TEC: variants seen among roughly 807,000 people sequenced by gnomAD.
TEC encodes the protein tec protein tyrosine kinase.
Under a neutral mutation model 93.0 loss-of-function variants are expected in TEC, and 72 were observed. The observed-to-expected ratio is 0.77, with a 90% confidence interval of 0.64 to 0.94. The LOEUF is 0.94. Ranked by LOEUF, TEC falls within the 40% of genes least tolerant of loss-of-function variation. TEC has a pLI of 0.00. For missense variants in TEC, 630 were observed against 757.9 expected (o/e 0.83, Z 1.98); for synonymous variants, 249 against 247.7 (o/e 1.01, Z -0.05).
At chr4:48,184,723 G>A (rs1721727728) in intron 2 of TEC, among the ~76,000 whole-genome samples, 2 of 150,806 alleles carry the variant, frequency 1.3e-5, no homozygotes, top group Admixed American at 1.3e-4. Context: ...AAAGCAGACT[G>A]CTGAAATGGC....
At chr4:48,170,153 T>C (rs1264333082) in intron 5 of TEC, 95 bp downstream of exon 5, 1 of 1,052,380 alleles carries the variant, frequency 9.5e-7, no homozygotes. Flanking sequence ...CTAGAAAGTG[T>C]GCTGTACTTA....
chr4:48,171,591 G>A, intron 3 of TEC, 142 bp from the exon 4 acceptor site: 1 of 546,496 alleles, frequency 1.8e-6, no homozygotes, highest in African/African-American at 1.9e-5. Flanking sequence ...AGAAAACCCA[G>A]GTTACTTTCT....
chr4:48,145,943 A>C (rs559723743), intron 12 of TEC, among the ~76,000 whole-genome samples: 1 of 152,154 alleles, frequency 6.6e-6, no homozygotes, highest in South Asian at 2.1e-4. Flanking sequence ...AGTTGGAAAT[A>C]ATCTAATTTG....
At position 48,176,116 on chromosome 4, in the gene TEC, C is replaced by G. The variant is rs1560391037; in HGVS notation, c.209G>C (p.Gly70Ala). Residue 70 changes from glycine to alanine, a missense_variant, in exon 3 of 18, where the codon GGT becomes GCT. Physicochemically the swap from Gly to Ala is moderately conservative, Grantham distance 60. Transcript: ENST00000381501. ...ATACTTATTTTGACAGGGAATGACA[C>G]CATCATCATTCTTCACTATTTCCAC... Reference protein sequence around the residue: ...KCVEIVKNDDGVIPCQNKYPF... With the variant: ...KCVEIVKNDDAVIPCQNKYPF... 6.2e-7 allele frequency: 1 copy of G among 1,613,546 alleles called. No individual in the cohort carries two copies. The highest frequency in any genetic ancestry group is 8.5e-7 in the Non-Finnish European group (1 of 1,179,724).
At chr4:48,247,322 T>C (rs55666922) in intron 1 of TEC, among the ~76,000 whole-genome samples, 12,481 of 152,140 alleles carry the variant, frequency 0.082, 654 homozygotes, top group East Asian at 0.17. Context: ...CTGTGAAAAA[T>C]AGTTTGGCAG....
In TEC at chr4:48,136,023, C is replaced by T. The variant is rs1719398028; in HGVS notation, c.*1393G>A. 6.6e-6 allele frequency: 1 copy of T among 152,250 alleles called. No individual in the cohort carries two copies. The highest frequency in any genetic ancestry group is 2.1e-4 in the South Asian group (1 of 4,836). The allele number at this position is 152,250 out of a possible 1,614,324, so 9.4% of individuals were successfully genotyped here. ...GGAGACGCAACTCCTGAAGGGAAGG[C>T]GCTGTGTCTTCCTCGGCTAGTTACC... On this transcript the variant is annotated 3_prime_UTR_variant, in exon 18 of 18. Coordinates refer to ENST00000381501, the MANE Select transcript of TEC (RefSeq NM_003215.3).
At chr4:48,171,097 C>A (rs532744707) in intron 4 of TEC, among the ~76,000 whole-genome samples, 1 of 152,130 alleles carries the variant, frequency 6.6e-6, no homozygotes, top group East Asian at 1.9e-4. Flanking sequence ...TAAAAGCTTG[C>A]GCTTTATCAC....
chr4:48,241,368 C>T (rs78933973), intron 1 of TEC, among the ~76,000 whole-genome samples: 29,461 of 152,060 alleles, frequency 0.19, 3,494 homozygotes, highest in Non-Finnish European at 0.27. Context: ...AGTAGCCCTG[C>T]TTGATTTTTT....
At chr4:48,164,871 A>C (rs1285677008) in intron 7 of TEC, among the ~76,000 whole-genome samples, 1 of 152,002 alleles carries the variant, frequency 6.6e-6, no homozygotes, top group Non-Finnish European at 1.5e-5. Context: ...GGCGTGGTGG[A>C]ACATGCCTAT....
intron 2 of TEC, among the ~76,000 whole-genome samples, chr4:48,215,688 C>T (rs1431711160): frequency 3.9e-5 from 6 of 152,006 alleles, no homozygotes; most frequent in African/African-American, 1.2e-4. Flanking sequence ...GTAACCCTGT[C>T]GTAAGACAAA....
intron 9 of TEC, among the ~76,000 whole-genome samples, chr4:48,151,549 C>G: frequency 6.6e-6 from 1 of 152,104 alleles, no homozygotes. Flanking sequence ...TGCAGTGGTG[C>G]GATCTCAGCT....
rs1309211010 is a variant in TEC at position 48,167,804 on chromosome 4, A to T, written c.645T>A (p.His215Gln). ...CATATTTATCTCTTGCTCTCCACCA[A>T]TGAACATCATTCTTTTCTAAAATGA... ...EYLILEKNDV[H>Q]WWRARDKYGN... Residue 215 changes from histidine (H) to glutamine (Q), a missense_variant, in exon 7 of 18, where the codon CAT becomes CAA. This residue lies in a region of TEC where 335 missense variants were observed against 351.5 expected (regional missense o/e 0.95). Coordinates refer to ENST00000381501, the MANE Select transcript of TEC (RefSeq NM_003215.3). The T allele has an allele frequency of 1.9e-6, 3 of 1,613,706 alleles. No individual in the cohort carries two copies. The highest frequency in any genetic ancestry group is 1.3e-5 in the African/African-American group (1 of 74,880).
chr4:48,162,831 G>C (rs16861079), intron 8 of TEC, among the ~76,000 whole-genome samples: 1 of 152,076 alleles, frequency 6.6e-6, no homozygotes, highest in Non-Finnish European at 1.5e-5. Flanking sequence ...ATAAAAGAGC[G>C]TTCAATGTAT....
At chr4:48,201,034 C>T (rs1722487367) in intron 2 of TEC, among the ~76,000 whole-genome samples, 2 of 152,128 alleles carry the variant, frequency 1.3e-5, no homozygotes, top group South Asian at 4.2e-4. Context: ...GATACAGAGG[C>T]TGCTGTATTC....
At chr4:48,140,091 G>A (rs1263331480) in intron 15 of TEC, among the ~76,000 whole-genome samples, 2 of 152,204 alleles carry the variant, frequency 1.3e-5, no homozygotes, top group African/African-American at 2.4e-5. Flanking sequence ...CAAATAAAGA[G>A]CATTGGGTAA....
chr4:48,194,959 T>C (rs987338914), intron 2 of TEC, among the ~76,000 whole-genome samples: 11 of 152,234 alleles, frequency 7.2e-5, no homozygotes, highest in Non-Finnish European at 1.0e-4. Context: ...GTGAACATTC[T>C]GTAGATAAAA....
Position 48,150,885 on chromosome 4 carries a change from A to G in TEC, c.850T>C (p.Ser284Pro). 1 of 1,572,220 alleles carries G rather than the reference A, an allele frequency of 6.4e-7. No homozygotes were observed. Among genetic ancestry groups the G allele is most frequent in the Non-Finnish European group, 8.6e-7 (1 of 1,161,334 alleles). Residue 284 changes from serine to proline, a missense_variant, in exon 10 of 18, where the codon TCC (serine) becomes CCC (proline). By Grantham distance (74) the Ser-to-Pro change is moderately conservative. Transcript: ENST00000381501. Reference sequence around the variant, plus strand: ...CACCCTCCAAACTTGGTATAAAGGGAGACTGTGTACAAGCCTGGTTGACTG... The same window carrying G: ...CACCCTCCAAACTTGGTATAAAGGGGGACTGTGTACAAGCCTGGTTGACTG... Reference protein sequence around the residue: ...DSSQPGLYTVSLYTKFGGEGS... With the variant: ...DSSQPGLYTVPLYTKFGGEGS...
intron 2 of TEC, among the ~76,000 whole-genome samples, chr4:48,186,588 C>G (rs1281299062): frequency 1.4e-4 from 21 of 151,650 alleles, no homozygotes; most frequent in Admixed American, 5.2e-4. Flanking sequence ...CCGGCCGCCC[C>G]GTCTGAGAAG....
chr4:48,246,257 T>C (rs1203141858), intron 1 of TEC, among the ~76,000 whole-genome samples: 1 of 151,938 alleles, frequency 6.6e-6, no homozygotes, highest in Non-Finnish European at 1.5e-5. Flanking sequence ...CTACAAAACA[T>C]TGTAGAAATA....
Sources: gnomAD v4.1 joint callset for allele counts (sites outside exome capture counted in the v4.1 genomes callset) on GRCh38, gnomAD v4.1.1 for gene constraint, gnomAD v4.1.1 regional missense constraint, MANE v1.5 for transcripts, NCBI Gene and HGNC (gene_info 2026-07-23, HGNC 2026-07-21) for gene names.